The following FAM187B variants were observed in gnomAD, a reference collection of about 807,000 sequenced individuals.
The protein encoded by FAM187B is protein FAM187B.
In FAM187B, 22 loss-of-function variants were observed where a neutral mutation model predicts 22.6. The ratio of observed to expected loss-of-function variants is 0.97; its 90% CI spans 0.70 to 1.39. The LOEUF is 1.39. Ranked by LOEUF, FAM187B falls within the 40% of genes most tolerant of loss-of-function variation. The pLI, the probability that FAM187B is intolerant of heterozygous loss-of-function variation, is 0.00. For missense variants in FAM187B, 433 were observed against 462.1 expected (o/e 0.94, Z 0.58); for synonymous variants, 192 against 201.8 (o/e 0.95, Z 0.41).
rs1297891057 is a variant in FAM187B, at chr19:35,228,421, G to A, written c.260C>T (p.Pro87Leu). ...GCAGTGGTAGAGGCCCGTCTGGGAG[G>A]GCAATGGATCTTTAATGAGAAGGCT... is the stretch of plus-strand genomic sequence containing the variant. ...EGSLLIKDPL[P>L]SQTGLYHCWN... The change falls in exon 1 of 2, where the codon CCC (proline) becomes CTC (leucine). Residue 87 changes from proline (P) to leucine (L), a missense_variant. Coordinates refer to ENST00000324675, the MANE Select transcript of FAM187B (RefSeq NM_152481.2). 1 of 1,614,114 alleles carries A rather than the reference G, an allele frequency of 6.2e-7. No individual in the cohort carries two copies. Among genetic ancestry groups the A allele is most frequent in the South Asian group, 1.1e-5 (1 of 91,090 alleles).
intron 1 of FAM187B, 87 bp from the exon 2 acceptor site, chr19:35,225,299 A>G (rs567441223): frequency 4.9e-5 from 69 of 1,406,206 alleles, no homozygotes; most frequent in South Asian, 2.6e-4. Flanking sequence ...AGCACCGCCC[A>G]GTCCCCCTCC....
chr19:35,228,427 G>A lies in FAM187B; in HGVS notation c.254C>T (p.Pro85Leu), dbSNP rs1304914932. The A allele has an allele frequency of 5.0e-6, 8 of 1,614,100 alleles. No homozygotes were observed. In the South Asian group the frequency reaches 8.8e-5, roughly 18 times the overall value. ...GTAGAGGCCCGTCTGGGAGGGCAAT[G>A]GATCTTTAATGAGAAGGCTGCCCTC... is the stretch of plus-strand genomic sequence containing the variant. ...MPEGSLLIKD[P>L]LPSQTGLYHC... Residue 85 changes from proline to leucine, a missense_variant, in exon 1 of 2, where the codon CCA becomes CTA. Transcript: ENST00000324675.
intron 1 of FAM187B, 42 bp from the exon 2 acceptor site, chr19:35,225,254 G>T: frequency 6.9e-7 from 1 of 1,449,394 alleles, no homozygotes. Context: ...AGGGAGAAAG[G>T]AGGGACCGAC....
At position 35,224,877 on chromosome 19, in the gene FAM187B, C is replaced by T; in HGVS notation, c.1058G>A (p.Cys353Tyr). ...TCTCCTGCCCGGGGAAGGGTGGATGCACTTGAGCAGCGCCCCCAGCAGGGC... is the reference window on the plus strand; with the variant it reads ...TCTCCTGCCCGGGGAAGGGTGGATGTACTTGAGCAGCGCCCCCAGCAGGGC... ...VLALLGALLK[C>Y]IHPSPGRRST... The change falls in exon 2 of 2, where the codon TGC (cysteine) becomes TAC (tyrosine). Residue 353 changes from cysteine to tyrosine, a missense_variant. Coordinates refer to ENST00000324675, the MANE Select transcript of FAM187B (RefSeq NM_152481.2). The T allele has an allele frequency of 3.1e-6, 5 of 1,613,790 alleles. No individual in the cohort carries two copies. Among genetic ancestry groups the T allele is most frequent in the Non-Finnish European group, 4.2e-6 (5 of 1,179,868 alleles).
Position 35,228,609 on chromosome 19 carries a change from G to A in FAM187B, c.72C>T (p.Cys24=). The change falls in exon 1 of 2, where the codon TGC becomes TGT. Residue 24 remains cysteine (C), a synonymous_variant. Transcript: ENST00000324675. ...CCTGTTGGCACTGCTTACCACTGGG[G>A]CAGCTGATGGAAAAGTAGAACCCCA... ...PALGFYFSIS[C]PSGKQCQQAL... 1.2e-6 allele frequency: 2 copies of A among 1,614,008 alleles called. No individual in the cohort carries two copies. Among genetic ancestry groups the A allele is most frequent in the African/African-American group, 1.3e-5 (1 of 75,032 alleles).
Position 35,228,029 on chromosome 19 carries a change from AAATGACGTAATCCACCCTT to A in FAM187B, c.633_651del (p.Leu211PhefsTer20), listed in dbSNP as rs780751752. 38 of 1,614,116 alleles carry A rather than the reference AAATGACGTAATCCACCCTT, an allele frequency of 2.4e-5. No homozygotes were observed. Among genetic ancestry groups the A allele is most frequent in the Middle Eastern group, 1.6e-4 (1 of 6,084 alleles). Reference sequence around the variant, plus strand: ...TTCTCATCGAGCCTGAAGTTGTCAAAAATGACGTAATCCACCCTTAACTGTGTGTTATTGGTGCACTGGA... The same window carrying A: ...TTCTCATCGAGCCTGAAGTTGTCAAAAACTGTGTGTTATTGGTGCACTGGA... On this transcript the variant is annotated frameshift_variant, in exon 1 of 2. Transcript: ENST00000324675. LOFTEE classifies it high-confidence loss of function.
rs369712462 is a variant in FAM187B, at chr19:35,225,080, C to G, written c.855G>C (p.Lys285Asn). ...CCACGAGCTCCTGCTGCACGAAGCA[C>G]TTGTAGACGGCCGGCTGGAAAACCT... is the stretch of plus-strand genomic sequence containing the variant. The part of the protein sequence containing the change: ...QLQVFQPAVY[K>N]CFVQQELVAQ... Residue 285 changes from lysine to asparagine, a missense_variant, in exon 2 of 2, where the codon AAG becomes AAC. Transcript: ENST00000324675. The G allele has an allele frequency of 1.1e-4, 180 of 1,611,582 alleles. No homozygotes were observed. Among genetic ancestry groups the G allele is most frequent in the Non-Finnish European group, 1.5e-4 (176 of 1,178,668 alleles).
rs201496332 is a variant in FAM187B, at chr19:35,228,655, A to G, written c.26T>C (p.Leu9Pro). Residue 9 changes from leucine to proline, a missense_variant, in exon 1 of 2, where the codon CTC becomes CCC. Leu to Pro is a moderately conservative substitution (Grantham distance 98). Coordinates refer to ENST00000324675, the MANE Select transcript of FAM187B (RefSeq NM_152481.2). The stretch of plus-strand genomic sequence containing the variant: ...CCCCAGTGCCGGGGCAGCAAAGTGG[A>G]GCAGCAGCCACAGCATGGGTGGCAT... MPPMLWLLLHFAAPALGFY... is the reference protein window; with the variant it reads MPPMLWLLPHFAAPALGFY... The G allele has an allele frequency of 2.0e-5, 33 of 1,611,340 alleles. No homozygotes were observed. The African/African-American group carries it at 3.9e-4, about 19-fold the overall frequency.
intron 1 of FAM187B, 89 bp from the exon 2 acceptor site, chr19:35,225,301 T>TC: frequency 7.2e-7 from 1 of 1,391,472 alleles, no homozygotes; most frequent in Non-Finnish European, 9.4e-7. Flanking sequence ...CACCGCCCAG[T>TC]CCCCCTCCTC....
chr19:35,227,980 C>T lies in FAM187B; in HGVS notation c.701G>A (p.Cys234Tyr), dbSNP rs761867656. 9.3e-6 allele frequency: 15 copies of T among 1,611,536 alleles called. No individual in the cohort carries two copies. The Admixed American group carries it at 2.2e-4, about 23-fold the overall frequency. The change falls in exon 1 of 2, where the codon TGT becomes TAT. Residue 234 changes from cysteine to tyrosine, a missense_variant. By Grantham distance (194) the Cys-to-Tyr change is radical. Coordinates refer to ENST00000324675, the MANE Select transcript of FAM187B (RefSeq NM_152481.2). ...DEKTEFVWLD[C>Y]PLGSMYRPVN... ...TCACCTGTACATGGATCCTAAGGGA[C>T]AGTCGAGCCACACAAATTCTGTCTT...
Position 35,227,982 on chromosome 19 carries a change from G to A in FAM187B, c.699C>T (p.Asp233=), listed in dbSNP as rs767649915. ...ACCTGTACATGGATCCTAAGGGACAGTCGAGCCACACAAATTCTGTCTTCT... is the reference window on the plus strand; with the variant it reads ...ACCTGTACATGGATCCTAAGGGACAATCGAGCCACACAAATTCTGTCTTCT... ...LDEKTEFVWL[D]CPLGSMYRPV... is the part of the protein sequence containing the mutation. The change falls in exon 1 of 2, where the codon GAC becomes GAT. Residue 233 remains aspartate (D), a synonymous_variant. Coordinates refer to ENST00000324675, the MANE Select transcript of FAM187B (RefSeq NM_152481.2). 5 of 1,612,464 alleles carry A rather than the reference G, an allele frequency of 3.1e-6. No individual in the cohort carries two copies.
In FAM187B at chr19:35,225,172, C is replaced by T. The variant is rs746191787; in HGVS notation, c.763G>A (p.Glu255Lys). 1.1e-5 allele frequency: 17 copies of T among 1,540,300 alleles called. No homozygotes were observed. Among genetic ancestry groups the T allele is most frequent in the South Asian group, 1.3e-5 (1 of 78,962 alleles). ...AAGTCCTGGCCGGAGAGCTGGCTCT[C>T]CCACGTCAGGGGGGTGTCGTTGGCA... ...WRANDTPLTWESQLSGQDFTT... is the reference protein window; with the variant it reads ...WRANDTPLTWKSQLSGQDFTT... Residue 255 changes from glutamate to lysine, a missense_variant, in exon 2 of 2, where the codon GAG becomes AAG. Glu to Lys is a moderately conservative substitution (Grantham distance 56). Transcript: ENST00000324675.
intron 1 of FAM187B, 32 bp from the exon 2 acceptor site, chr19:35,225,244 A>G: frequency 6.9e-7 from 1 of 1,456,464 alleles, no homozygotes; most frequent in Non-Finnish European, 9.1e-7. Context: ...GTGCAGGGCC[A>G]GGGAGAAAGG....
Position 35,228,219 on chromosome 19 carries a change from A to C in FAM187B, c.462T>G (p.Cys154Trp), listed in dbSNP as rs764611960. The C allele has an allele frequency of 3.7e-6, 6 of 1,614,156 alleles. No homozygotes were observed. Among genetic ancestry groups the C allele is most frequent in the Non-Finnish European group, 4.2e-6 (5 of 1,180,008 alleles). Residue 154 changes from cysteine to tryptophan, a missense_variant, in exon 1 of 2, where the codon TGT becomes TGG. By Grantham distance (215) the Cys-to-Trp change is radical. Transcript: ENST00000324675. ...WWEPWQDCNR[C>W]EEPGECKRLG... ...GGCGTTTACACTCGCCCGGCTCCTC[A>C]CAGCGGTTGCAGTCCTGCCAGGGCT...
intron 1 of FAM187B, 67 bp downstream of exon 1, chr19:35,227,892 A>T: frequency 6.4e-7 from 1 of 1,552,706 alleles, no homozygotes; most frequent in Non-Finnish European, 8.7e-7. Context: ...CCCTCTGCAC[A>T]TATTACCAGG....
chr19:35,227,847 A>G, intron 1 of FAM187B, 112 bp downstream of exon 1: 1 of 1,462,072 alleles, frequency 6.8e-7, no homozygotes, highest in Non-Finnish European at 9.2e-7. Flanking sequence ...CCTGATGACC[A>G]CTACGTGGCT....
Position 35,228,245 on chromosome 19 carries a change from C to T in FAM187B, c.436G>A (p.Glu146Lys). Residue 146 changes from glutamate (E) to lysine (K), a missense_variant, in exon 1 of 2, where the codon GAG becomes AAG. Physicochemically the swap from Glu to Lys is moderately conservative, Grantham distance 56. Coordinates refer to ENST00000324675, the MANE Select transcript of FAM187B (RefSeq NM_152481.2). ...GSKQLIFTWW[E>K]PWQDCNRCEE... ...CAGCGGTTGCAGTCCTGCCAGGGCT[C>T]CCACCAGGTAAAAATGAGCTGTTTG... 2 of 1,614,194 alleles carry T rather than the reference C, an allele frequency of 1.2e-6. No homozygotes were observed. Among genetic ancestry groups the T allele is most frequent in the Non-Finnish European group, 1.7e-6 (2 of 1,180,032 alleles).
At position 35,228,509 on chromosome 19, in the gene FAM187B, C is replaced by T; in HGVS notation, c.172G>A (p.Gly58Ser). 2 of 1,614,168 alleles carry T rather than the reference C, an allele frequency of 1.2e-6. No individual in the cohort carries two copies. Among genetic ancestry groups the T allele is most frequent in the Non-Finnish European group, 1.7e-6 (2 of 1,180,040 alleles). ...GAHWYYLFTQGKKGRLTSLTN... is the reference protein window; with the variant it reads ...GAHWYYLFTQSKKGRLTSLTN... ...AGGCTGGTGAGCCTGCCCTTCTTGC[C>T]TTGTGTGAATAAATAGTACCAGTGC... The change falls in exon 1 of 2, where the codon GGC becomes AGC. Residue 58 changes from glycine to serine, a missense_variant. Gly to Ser is a moderately conservative substitution (Grantham distance 56). Coordinates refer to ENST00000324675, the MANE Select transcript of FAM187B (RefSeq NM_152481.2).
intron 1 of FAM187B, among the ~76,000 whole-genome samples, chr19:35,227,647 G>T (rs567154743): frequency 6.6e-6 from 1 of 152,090 alleles, no homozygotes; most frequent in African/African-American, 2.4e-5. Context: ...GGGAAGCCCC[G>T]GGGGCACCAG....
Sources: gnomAD v4.1 joint callset for allele counts (sites outside exome capture counted in the v4.1 genomes callset) on GRCh38, gnomAD v4.1.1 for gene constraint, MANE v1.5 for transcripts, NCBI Gene and HGNC (gene_info 2026-07-23, HGNC 2026-07-21) for gene names.